The following AMBRA1 variants were observed in gnomAD, a reference collection of about 807,000 sequenced individuals.
AMBRA1 encodes the protein activating molecule in BECN1-regulated autophagy protein 1.
AMBRA1 carries 47 observed loss-of-function variants against 125.4 expected under a neutral mutation model. That is an observed-to-expected ratio of 0.37 (90% confidence interval 0.30 to 0.48). AMBRA1 has a LOEUF of 0.48. Ranked by LOEUF, AMBRA1 falls within the 20% of genes least tolerant of loss-of-function variation. The pLI is 0.99. For missense variants in AMBRA1, 1,331 were observed against 1,693.4 expected, an observed-to-expected ratio of 0.79 and a Z score of 3.76; for synonymous variants, 626 against 655.5, an observed-to-expected ratio of 0.95 and a Z score of 0.69.
At chr11:46,580,303 T>C (rs1472670009) in intron 1 of AMBRA1, among the ~76,000 whole-genome samples, 2 of 152,178 alleles carry the variant, frequency 1.3e-5, no homozygotes, top group Non-Finnish European at 2.9e-5. Flanking sequence ...ATCTCATCCA[T>C]TTCCCTTGGT....
At chr11:46,436,560 T>C (rs1486212881) in intron 12 of AMBRA1, among the ~76,000 whole-genome samples, 1 of 152,252 alleles carries the variant, frequency 6.6e-6, no homozygotes, top group Non-Finnish European at 1.5e-5. Flanking sequence ...CCATCTGGTC[T>C]AGCCTGTAAG....
chr11:46,481,341 C>A (rs1362586139), intron 11 of AMBRA1, among the ~76,000 whole-genome samples: 1 of 152,146 alleles, frequency 6.6e-6, no homozygotes, highest in African/African-American at 2.4e-5. Context: ...GATATAAGAG[C>A]ATAGTAGCCC....
chr11:46,524,552 T>C (rs2135106000), intron 7 of AMBRA1, among the ~76,000 whole-genome samples: 1 of 152,382 alleles, frequency 6.6e-6, no homozygotes, highest in East Asian at 1.9e-4. Context: ...AAATTCCATC[T>C]TGTGTCACCC....
At position 46,587,925 on chromosome 11, in the gene AMBRA1, C is replaced by A. The variant is rs576130995; in HGVS notation, c.-121+5903G>T. 6.6e-5 allele frequency among the ~76,000 whole-genome samples: 10 copies of A among 151,954 alleles called. No homozygotes were observed. The South Asian group carries it at 2.1e-3, about 32-fold the overall frequency. On this transcript the variant is annotated intron_variant, in intron 1 of 17. Transcript: ENST00000683756. ...AACGTCTGATGGGAATATTTCTGAC[C>A]TCAGAAAAAAACACGGTACCAAAAC... is the stretch of plus-strand genomic sequence containing the variant.
chr11:46,564,809 TATGA>T (rs1472918901), intron 1 of AMBRA1, among the ~76,000 whole-genome samples: 2 of 152,238 alleles, frequency 1.3e-5, no homozygotes, highest in African/African-American at 4.8e-5. Context: ...CCTAGTGGGC[TATGA>T]ATATTAATTA....
At chr11:46,583,349 T>C (rs1429416848) in intron 1 of AMBRA1, among the ~76,000 whole-genome samples, 14 of 151,368 alleles carry the variant, frequency 9.2e-5, no homozygotes, top group African/African-American at 3.2e-4. Flanking sequence ...CAAAAATTAA[T>C]TCAAGATGGA....
chr11:46,451,228 G>A (rs1948577984), intron 11 of AMBRA1, among the ~76,000 whole-genome samples: 1 of 152,186 alleles, frequency 6.6e-6, no homozygotes, highest in Admixed American at 6.5e-5. Flanking sequence ...AGTGATCCTG[G>A]CTAACTATCA....
chr11:46,494,776 G>C (rs1950576293), intron 9 of AMBRA1: 1 of 152,840 alleles, frequency 6.5e-6, no homozygotes, highest in Non-Finnish European at 1.5e-5. Flanking sequence ...ACTGTCAATG[G>C]TGAAGAATAT....
At chr11:46,521,211 C>T (rs1408800846) in intron 7 of AMBRA1, among the ~76,000 whole-genome samples, 1 of 152,232 alleles carries the variant, frequency 6.6e-6, no homozygotes, top group Non-Finnish European at 1.5e-5. Context: ...ACAAGGTTTT[C>T]AGAAACTGCT....
chr11:46,436,514 A>C (rs1301715705), intron 12 of AMBRA1, among the ~76,000 whole-genome samples: 1 of 152,210 alleles, frequency 6.6e-6, no homozygotes, highest in Non-Finnish European at 1.5e-5. Context: ...CACTGCTATC[A>C]CCATTAGGCC....
chr11:46,478,857 C>A (rs1030123877), intron 11 of AMBRA1, among the ~76,000 whole-genome samples: 5 of 152,000 alleles, frequency 3.3e-5, no homozygotes, highest in African/African-American at 1.2e-4. Flanking sequence ...CCTTTATATC[C>A]TTTGGTATGC....
chr11:46,415,201 C>T (rs117377924), intron 15 of AMBRA1, among the ~76,000 whole-genome samples: 1,804 of 152,282 alleles, frequency 0.012, 18 homozygotes, highest in Middle Eastern at 0.017. Flanking sequence ...CCTATTTGTT[C>T]TCCTCATTTG....
intron 11 of AMBRA1, among the ~76,000 whole-genome samples, chr11:46,469,961 A>C (rs1949510034): frequency 6.6e-6 from 1 of 151,752 alleles, no homozygotes; most frequent in Non-Finnish European, 1.5e-5. Context: ...TACAGGAATG[A>C]GCCACTGTGC....
intron 1 of AMBRA1, among the ~76,000 whole-genome samples, chr11:46,592,284 G>A (rs933690219): frequency 6.6e-6 from 1 of 151,914 alleles, no homozygotes; most frequent in Non-Finnish European, 1.5e-5. Context: ...TTAGGATCAT[G>A]GTACTGAATC....
intron 14 of AMBRA1, among the ~76,000 whole-genome samples, chr11:46,427,679 T>C (rs532568463): frequency 5.9e-5 from 9 of 152,310 alleles, no homozygotes; most frequent in Admixed American, 2.0e-4. Flanking sequence ...TGAGAACTGC[T>C]GTGCAATCAG....
intron 11 of AMBRA1, among the ~76,000 whole-genome samples, chr11:46,466,110 A>G (rs1949312830): frequency 6.6e-6 from 1 of 152,256 alleles, no homozygotes. Flanking sequence ...GAAGATGTAC[A>G]TAAAATGGTA....
intron 1 of AMBRA1, among the ~76,000 whole-genome samples, chr11:46,585,074 CAT>C (rs1038534200): frequency 1.2e-4 from 19 of 152,138 alleles, no homozygotes; most frequent in Admixed American, 5.2e-4. Flanking sequence ...CTCTCTGAAA[CAT>C]GTGCTGTGTC....
chr11:46,533,832 T>C (rs148324253), intron 7 of AMBRA1, among the ~76,000 whole-genome samples: 291 of 152,234 alleles, frequency 1.9e-3, no homozygotes, highest in Non-Finnish European at 3.0e-3. Flanking sequence ...AGACCCTGCA[T>C]AATCTCATCC....
In AMBRA1 at chr11:46,565,777, AT is replaced by A. The variant is rs201940168; in HGVS notation, c.-120-17278del. ...AGCCAAAAAATTTATAAAAATTCAG[AT>A]TTTTTTTTTCAGAAGGGGTCTCCCT... On this transcript the variant is annotated intron_variant, in intron 1 of 17. Coordinates refer to ENST00000683756, the MANE Select transcript of AMBRA1 (RefSeq NM_001387011.1). Among the ~76,000 whole-genome samples, 713 of 150,116 alleles carry A rather than the reference AT, an allele frequency of 4.7e-3. 5 individuals carry two copies. The highest frequency in any genetic ancestry group is 8.8e-3 in the Non-Finnish European group (590 of 67,354).
Sources: gnomAD v4.1 joint callset for allele counts (sites outside exome capture counted in the v4.1 genomes callset) on GRCh38, gnomAD v4.1.1 for gene constraint, MANE v1.5 for transcripts, NCBI Gene and HGNC (gene_info 2026-07-23, HGNC 2026-07-21) for gene names.